The following ZFHX4 variants were observed in gnomAD, a reference collection of about 807,000 sequenced individuals.
ZFHX4 encodes the protein zinc finger homeobox 4.
A neutral mutation model predicts 267.6 loss-of-function variants in ZFHX4; 56 were observed. That is an observed-to-expected ratio of 0.21 (90% CI 0.17 to 0.26). The LOEUF (loss-of-function observed/expected upper bound fraction) is 0.26. Among genes scored for constraint, ZFHX4 ranks in the 10% least tolerant of loss-of-function variants. ZFHX4 has a pLI of 1.00. For missense variants in ZFHX4, 4,332 were observed against 4,420.0 expected, an observed-to-expected ratio of 0.98 and a Z score of 0.56; for synonymous variants, 1,778 against 1,665.6, an observed-to-expected ratio of 1.07 and a Z score of -1.64.
intron 3 of ZFHX4, among the ~76,000 whole-genome samples, chr8:76,730,265 G>A (rs969189532): frequency 7.2e-5 from 11 of 152,148 alleles, no homozygotes; most frequent in Non-Finnish European, 1.3e-4. Context: ...AATGCTTTGT[G>A]ACCACGTGAA....
chr8:76,833,773 C>T (rs1037254690), intron 5 of ZFHX4: 1 of 250,910 alleles, frequency 4.0e-6, no homozygotes, highest in Non-Finnish European at 7.9e-6. Context: ...AGGGATTACT[C>T]TTGGTGTTGT....
At chr8:76,768,915 A>G (rs1585925255) in intron 3 of ZFHX4, among the ~76,000 whole-genome samples, 1 of 152,124 alleles carries the variant, frequency 6.6e-6, no homozygotes, top group Non-Finnish European at 1.5e-5. Context: ...AGAGATGGCA[A>G]ACAAAACAGA....
rs753703033 is a variant in ZFHX4 at position 76,854,209 on chromosome 8, C to T, written c.7288C>T (p.Pro2430Ser). Reference sequence around the variant, plus strand: ...TTCTCAAGGCACCAAACCAGCCCTGCCATTAGCATCGACTTCCTCGGACCC... The same window carrying T: ...TTCTCAAGGCACCAAACCAGCCCTGTCATTAGCATCGACTTCCTCGGACCC... ...PPSQGTKPALPLASTSSDPPQ... is the reference protein window; with the variant it reads ...PPSQGTKPALSLASTSSDPPQ... The change falls in exon 10 of 11, where the codon CCA becomes TCA. Residue 2430 changes from proline to serine, a missense_variant. Pro to Ser is a moderately conservative substitution (Grantham distance 74). Transcript: ENST00000651372. The T allele has an allele frequency of 6.4e-7, 1 of 1,568,088 alleles. No individual in the cohort carries two copies. Among genetic ancestry groups the T allele is most frequent in the Non-Finnish European group, 8.6e-7 (1 of 1,156,718 alleles).
chr8:76,805,571 GGT>G (rs1811223594), intron 4 of ZFHX4, among the ~76,000 whole-genome samples: 1 of 150,640 alleles, frequency 6.6e-6, no homozygotes. Context: ...ATTTGTCCTT[GGT>G]GTGAATGACA....
At chr8:76,682,801 A>C (rs987783131) in intron 1 of ZFHX4, among the ~76,000 whole-genome samples, 1 of 152,072 alleles carries the variant, frequency 6.6e-6, no homozygotes, top group African/African-American at 2.4e-5. Context: ...TCGTTTCTCC[A>C]AGCATCAAGT....
chr8:76,828,373 T>C (rs1037047996), intron 4 of ZFHX4, among the ~76,000 whole-genome samples: 1 of 152,104 alleles, frequency 6.6e-6, no homozygotes. Context: ...GTACAGAGCT[T>C]TGGAGTCAGA....
At chr8:76,712,427 G>A (rs564629926) in intron 3 of ZFHX4, among the ~76,000 whole-genome samples, 17 of 151,866 alleles carry the variant, frequency 1.1e-4, no homozygotes, top group South Asian at 4.2e-4. Flanking sequence ...ATAATAACCC[G>A]ATCAGTTTGG....
chr8:76,864,477 T>C lies in ZFHX4; in HGVS notation c.10763T>C (p.Leu3588Ser). Residue 3588 changes from leucine (L) to serine (S), a missense_variant, in exon 11 of 11, where the codon TTA becomes TCA. By Grantham distance (145) the Leu-to-Ser change is moderately radical. Around this residue, in one of 7 missense-constraint regions of ZFHX4, gnomAD observed 1,648 missense variants for 1,625.0 expected, o/e 1.01. Coordinates refer to ENST00000651372, the MANE Select transcript of ZFHX4 (RefSeq NM_024721.5). ...GAGCTGAGCCAGAAGCTAGAAGACT[T>C]AGATAATTCTTTGGAAGTGAAGGCT... ...DSELSQKLED[L>S]DNSLEVKAKP... The C allele has an allele frequency of 6.2e-7, 1 of 1,613,644 alleles. No homozygotes were observed. The highest frequency in any genetic ancestry group is 8.5e-7 in the Non-Finnish European group (1 of 1,179,820).
Position 76,855,049 on chromosome 8 carries a change from C to G in ZFHX4, c.8128C>G (p.Pro2710Ala), listed in dbSNP as rs915383684. 6.2e-7 allele frequency: 1 copy of G among 1,613,922 alleles called. No individual in the cohort carries two copies. Reference sequence around the variant, plus strand: ...AGGAAAGCAGGCAGGTTACAGCTTGCCACCAAGCCCTTTAATATCCACCGA... The same window carrying G: ...AGGAAAGCAGGCAGGTTACAGCTTGGCACCAAGCCCTTTAATATCCACCGA... ...NEGKQAGYSL[P>A]PSPLISTEDG... Residue 2710 changes from proline (P) to alanine (A), a missense_variant, in exon 10 of 11, where the codon CCA (proline) becomes GCA (alanine). Pro to Ala is a conservative substitution (Grantham distance 27, BLOSUM62 -1). This residue lies in a region of ZFHX4 where 1,648 missense variants were observed against 1,625.0 expected (regional missense o/e 1.01). Transcript: ENST00000651372.
chr8:76,849,478 C>T (rs1347722780), intron 7 of ZFHX4, 34 bp from the exon 8 acceptor site: 4 of 1,564,226 alleles, frequency 2.6e-6, no homozygotes, highest in Non-Finnish European at 3.5e-6. Context: ...AATGCATTAA[C>T]TAATAGTGGC....
intron 4 of ZFHX4, among the ~76,000 whole-genome samples, chr8:76,826,732 C>A (rs1305918393): frequency 6.6e-6 from 1 of 152,104 alleles, no homozygotes; most frequent in Non-Finnish European, 1.5e-5. Context: ...AAACAAGGGA[C>A]ATAAAGTTTC....
Position 76,854,106 on chromosome 8 carries a change from C to G in ZFHX4, c.7185C>G (p.Pro2395=). 1 of 1,613,860 alleles carries G rather than the reference C, an allele frequency of 6.2e-7. No homozygotes were observed. The highest frequency in any genetic ancestry group is 8.5e-7 in the Non-Finnish European group (1 of 1,179,840). ...SGTSTPLIPS[P]KPEPEKTSPK... ...CCAGCACCCCCCTGATTCCATCACC[C>G]AAACCAGAACCTGAGAAGACTTCTC... The change falls in exon 10 of 11, where the codon CCC becomes CCG. Residue 2395 remains proline, a synonymous_variant. Coordinates refer to ENST00000651372, the MANE Select transcript of ZFHX4 (RefSeq NM_024721.5).
At chr8:76,786,360 G>T (rs1585943561) in intron 4 of ZFHX4, among the ~76,000 whole-genome samples, 1 of 150,366 alleles carries the variant, frequency 6.7e-6, no homozygotes, top group Non-Finnish European at 1.5e-5. Context: ...GTATGGAATA[G>T]TTTCATGTAA....
chr8:76,716,088 T>G (rs1773111550), intron 3 of ZFHX4, among the ~76,000 whole-genome samples: 1 of 152,212 alleles, frequency 6.6e-6, no homozygotes, highest in African/African-American at 2.4e-5. Context: ...CTGTAACAGT[T>G]AACTCCAGTT....
At chr8:76,794,299 T>A (rs1810915143) in intron 4 of ZFHX4, among the ~76,000 whole-genome samples, 1 of 152,152 alleles carries the variant, frequency 6.6e-6, no homozygotes, top group Admixed American at 6.6e-5. Flanking sequence ...ATTTCCCAAT[T>A]TTCAGCTGAA....
chr8:76,693,390 T>G (rs554649090), intron 1 of ZFHX4: 1 of 152,308 alleles, frequency 6.6e-6, no homozygotes, highest in Admixed American at 6.5e-5. Context: ...CATAGATTGT[T>G]GCAGTCAGAA....
intron 3 of ZFHX4, among the ~76,000 whole-genome samples, chr8:76,770,022 G>C (rs1810220042): frequency 6.6e-6 from 1 of 152,126 alleles, no homozygotes; most frequent in Admixed American, 6.6e-5. Context: ...CCGCAAAACT[G>C]AGTCTGGAGA....
intron 3 of ZFHX4, among the ~76,000 whole-genome samples, chr8:76,758,003 T>C (rs939206911): frequency 1.3e-5 from 2 of 152,184 alleles, no homozygotes; most frequent in Non-Finnish European, 2.9e-5. Context: ...TTAAGGCACA[T>C]AGTTTGTCTA....
chr8:76,699,334 C>G (rs771103735), intron 1 of ZFHX4, among the ~76,000 whole-genome samples: 1 of 152,020 alleles, frequency 6.6e-6, no homozygotes, highest in Non-Finnish European at 1.5e-5. Context: ...ATTTTCTATC[C>G]CTTTACATCC....
Sources: allele counts gnomAD v4.1 joint callset (sites outside exome capture counted in the v4.1 genomes callset), GRCh38; gene constraint gnomAD v4.1.1; regional missense constraint gnomAD v4.1.1; transcripts MANE v1.5; gene names NCBI Gene and HGNC (gene_info 2026-07-23, HGNC 2026-07-21).